Variants in DOCK4 observed in about 807,000 individuals in gnomAD.
DOCK4 encodes the protein dedicator of cytokinesis protein 4.
A neutral mutation model predicts 268.1 loss-of-function variants in DOCK4; 97 were observed. The observed-to-expected ratio is 0.36, with a 90% CI of 0.31 to 0.43. The LOEUF (loss-of-function observed/expected upper bound fraction) is 0.43, where lower values mean the gene tolerates loss of function less well. Ranked by LOEUF, DOCK4 falls within the 20% of genes least tolerant of loss-of-function variation. The probability of loss-of-function intolerance (pLI) is 1.00; values close to 1 mark genes in which losing one functional copy is unlikely to be tolerated. For missense variants in DOCK4, 2,145 were observed against 2,455.7 expected, an observed-to-expected ratio of 0.87 and a Z score of 2.67; for synonymous variants, 954 against 887.2, an observed-to-expected ratio of 1.08 and a Z score of -1.34.
chr7:111,885,632 G>A (rs1234212576), intron 16 of DOCK4, among the ~76,000 whole-genome samples: 1 of 152,198 alleles, frequency 6.6e-6, no homozygotes, highest in South Asian at 2.1e-4. Flanking sequence ...TGGACTGGGG[G>A]AACAAAACGA....
Position 111,834,758 on chromosome 7 carries a change from T to G in DOCK4, c.2737-72A>C, listed in dbSNP as rs886168597. 5 of 998,978 alleles carry G rather than the reference T, an allele frequency of 5.0e-6. No homozygotes were observed. In the East Asian group the frequency reaches 1.3e-4, roughly 27 times the overall value. 61.9% of individuals were successfully genotyped at this position (998,978 alleles called of 1,614,324 possible). A position where few individuals can be genotyped will look rare whatever the true frequency, so the allele number is the denominator to read the frequency against. ...GTAAAAGAACATCAGTAACTTACAC[T>G]GAACTGTCCTCAAAGAGAATAGGTT... On this transcript the variant is annotated intron_variant, in intron 25 of 52. Coordinates refer to ENST00000428084, the MANE Select transcript of DOCK4 (RefSeq NM_001363540.2).
At position 111,994,242 on chromosome 7, in the gene DOCK4, AAAAAAG is replaced by A. The variant is rs1458556030; in HGVS notation, c.219-17_219-12del. 3 of 1,534,736 alleles carry A rather than the reference AAAAAAG, an allele frequency of 2.0e-6. No individual in the cohort carries two copies. Among genetic ancestry groups the A allele is most frequent in the East Asian group, 4.5e-5 (2 of 44,294 alleles). ...ACCATTTCAAATTGTCTGTGAAATT[AAAAAAG>A]AAAAAGTATATATGTAAATACCATA... is the stretch of plus-strand genomic sequence containing the variant. On this transcript the variant is annotated splice_polypyrimidine_tract_variant and intron_variant, in intron 4 of 52. Coordinates refer to ENST00000428084, the MANE Select transcript of DOCK4 (RefSeq NM_001363540.2).
At chr7:111,766,943 G>T in intron 38 of DOCK4, 89 bp downstream of exon 38, 5 of 1,005,780 alleles carry the variant, frequency 5.0e-6, no homozygotes, top group South Asian at 2.9e-5. Flanking sequence ...GTTTCTGCAA[G>T]ACCACAAAGT....
At chr7:112,152,848 T>A (rs548768156) in intron 1 of DOCK4, among the ~76,000 whole-genome samples, 1 of 152,224 alleles carries the variant, frequency 6.6e-6, no homozygotes, top group Non-Finnish European at 1.5e-5. Context: ...AAACGTACCT[T>A]AAGTAGTAAA....
chr7:111,767,228 T>A, intron 37 of DOCK4, 110 bp from the exon 38 acceptor site: 53 of 139,956 alleles, frequency 3.8e-4, no homozygotes, highest in Non-Finnish European at 5.4e-4. Flanking sequence ...CTCCTTAATC[T>A]TTTTTTTTTT....
intron 30 of DOCK4, chr7:111,801,859 T>A (rs2133862140): frequency 6.7e-6 from 1 of 149,256 alleles, no homozygotes; most frequent in Non-Finnish European, 1.5e-5. Flanking sequence ...TGGGCTAATT[T>A]TTTTTTTTTT....
At chr7:112,134,510 G>A (rs1473244322) in intron 1 of DOCK4, among the ~76,000 whole-genome samples, 2 of 152,196 alleles carry the variant, frequency 1.3e-5, no homozygotes, top group Admixed American at 6.5e-5. Flanking sequence ...ACAAGGTCAG[G>A]AGATCGAGAC....
intron 12 of DOCK4, among the ~76,000 whole-genome samples, chr7:111,934,302 CTA>C (rs374258949): frequency 6.6e-6 from 1 of 152,172 alleles, no homozygotes; most frequent in African/African-American, 2.4e-5. Flanking sequence ...GTAGTATATA[CTA>C]TATGTTACTA....
At chr7:111,928,878 C>T (rs1203879834) in intron 12 of DOCK4, among the ~76,000 whole-genome samples, 1 of 152,098 alleles carries the variant, frequency 6.6e-6, no homozygotes, top group Non-Finnish European at 1.5e-5. Context: ...TGGGAGCCAC[C>T]AAACCTGGCT....
At chr7:112,066,736 T>C (rs1402702651) in intron 1 of DOCK4, among the ~76,000 whole-genome samples, 1 of 112,898 alleles carries the variant, frequency 8.9e-6, no homozygotes, top group Non-Finnish European at 1.8e-5. Context: ...TATATATATA[T>C]ATATATCTCC....
chr7:112,091,057 T>C (rs1809579909), intron 1 of DOCK4, among the ~76,000 whole-genome samples: 1 of 142,982 alleles, frequency 7.0e-6, no homozygotes, highest in South Asian at 2.2e-4. Context: ...GAAGAGGTAC[T>C]GTTCAAATAG....
At chr7:111,744,969 T>C (rs3801786) in intron 44 of DOCK4, among the ~76,000 whole-genome samples, 93,454 of 152,038 alleles carry the variant, frequency 0.61, 29,188 homozygotes, top group Non-Finnish European at 0.66. Context: ...TTGGCATTAT[T>C]GGGTAGAAAG....
Position 111,728,529 on chromosome 7 carries a change from C to T in DOCK4, c.5673G>A (p.Val1891=), listed in dbSNP as rs747210564. 7 of 1,613,216 alleles carry T rather than the reference C, an allele frequency of 4.3e-6. No individual in the cohort carries two copies. The Admixed American group carries it at 5.0e-5, about 12-fold the overall frequency. ...QSAPLPVPVP[V]PVPSYGGEEP... is the part of the protein sequence containing the mutation. Reference sequence around the variant, plus strand: ...CCTCCCCGCCGTAGCTCGGCACGGGCACCGGCACTGGCACCGGCAGGGGGG... The same window carrying T: ...CCTCCCCGCCGTAGCTCGGCACGGGTACCGGCACTGGCACCGGCAGGGGGG... Residue 1891 remains valine, a synonymous_variant, in exon 53 of 53, where the codon GTG becomes GTA. Coordinates refer to ENST00000428084, the MANE Select transcript of DOCK4 (RefSeq NM_001363540.2).
chr7:111,804,790 G>A (rs568658436), intron 30 of DOCK4, among the ~76,000 whole-genome samples: 1 of 151,964 alleles, frequency 6.6e-6, no homozygotes, highest in Admixed American at 6.6e-5. Context: ...AGCAGAGACG[G>A]GGTTTCGTCA....
chr7:112,094,951 C>A (rs1809974251), intron 1 of DOCK4, among the ~76,000 whole-genome samples: 1 of 152,212 alleles, frequency 6.6e-6, no homozygotes, highest in Non-Finnish European at 1.5e-5. Flanking sequence ...GATGCCAGCA[C>A]CATGCTTCCT....
chr7:111,788,952 T>C (rs1487843397), intron 31 of DOCK4: 1 of 588,892 alleles, frequency 1.7e-6, no homozygotes, highest in African/African-American at 1.9e-5. Flanking sequence ...CACTCCTGGC[T>C]GGGTAGCGTT....
rs1403740048 is a variant in DOCK4, at chr7:112,206,334, C to T, written c.-196G>A. ...ACTGCGCCGCCCGCAGCTCTCCCGGCGGCGGCTGCTCACAGTCCTCCGACG... is the reference window on the plus strand; with the variant it reads ...ACTGCGCCGCCCGCAGCTCTCCCGGTGGCGGCTGCTCACAGTCCTCCGACG... On this transcript the variant is annotated 5_prime_UTR_variant, in exon 1 of 53. Coordinates refer to ENST00000428084, the MANE Select transcript of DOCK4 (RefSeq NM_001363540.2). 8.1e-6 allele frequency: 5 copies of T among 614,364 alleles called. No homozygotes were observed. The highest frequency in any genetic ancestry group is 1.1e-5 in the Non-Finnish European group (4 of 355,402). The allele number at this position is 614,364 out of a possible 1,614,324, so 38.1% of individuals were successfully genotyped here. A position where few individuals can be genotyped will look rare whatever the true frequency, so the allele number is the denominator to read the frequency against.
chr7:112,018,355 C>A (rs1220422553), intron 1 of DOCK4, among the ~76,000 whole-genome samples: 1 of 151,780 alleles, frequency 6.6e-6, no homozygotes, highest in Non-Finnish European at 1.5e-5. Context: ...ATTTTAATAA[C>A]AAGTTAAGGC....
intron 8 of DOCK4, among the ~76,000 whole-genome samples, chr7:111,972,497 T>G (rs895354879): frequency 3.3e-5 from 5 of 152,202 alleles, no homozygotes; most frequent in African/African-American, 1.2e-4. Context: ...GAGGAATTTT[T>G]TTTTTAAAGT....
Sources: allele counts gnomAD v4.1 joint callset (sites outside exome capture counted in the v4.1 genomes callset), GRCh38; gene constraint gnomAD v4.1.1; transcripts MANE v1.5; gene names NCBI Gene and HGNC (gene_info 2026-07-23, HGNC 2026-07-21).